The following GALNT18 variants were observed in gnomAD, a reference collection of about 807,000 sequenced individuals.
The protein encoded by GALNT18 is GalNAc-transferase 18.
Under a neutral mutation model 69.5 loss-of-function variants are expected in GALNT18, and 44 were observed. The ratio of observed to expected loss-of-function variants is 0.63; its 90% CI spans 0.50 to 0.81. GALNT18 has a LOEUF of 0.81. Ranked by LOEUF, GALNT18 falls within the 40% of genes least tolerant of loss-of-function variation. GALNT18 has a pLI of 0.00. For synonymous variants in GALNT18, 364 were observed against 318.2 expected (o/e 1.14, Z -1.53); for missense variants, 715 against 810.0 (o/e 0.88, Z 1.42).
chr11:11,514,780 G>C (rs183429098), intron 1 of GALNT18, among the ~76,000 whole-genome samples: 80 of 152,330 alleles, frequency 5.3e-4, no homozygotes, highest in South Asian at 2.3e-3. Context: ...TGGCAGCAGA[G>C]GCAGGAGCAA....
At chr11:11,281,127 G>T (rs374253845) in intron 10 of GALNT18, among the ~76,000 whole-genome samples, 1 of 152,330 alleles carries the variant, frequency 6.6e-6, no homozygotes, top group South Asian at 2.1e-4. Context: ...GGAGCAGCAC[G>T]CAGGCAGGGG....
chr11:11,497,347 CA>C lies in GALNT18; in HGVS notation c.236-48412del, dbSNP rs1856885779. ...TCTCCAACACACACACACACACACA[CA>C]CACACACACACACACACACACACCC... On this transcript the variant is annotated intron_variant, in intron 1 of 10. Transcript: ENST00000227756. This position sits in a 1 kb window ranked among gnomAD's most constrained non-coding sequence, Gnocchi z 4.2. 6.6e-6 allele frequency among the ~76,000 whole-genome samples: 1 copy of C among 150,778 alleles called. No homozygotes were observed. Among genetic ancestry groups the C allele is most frequent in the Admixed American group, 6.6e-5 (1 of 15,098 alleles).
At chr11:11,453,261 T>A (rs1855845092) in intron 1 of GALNT18, among the ~76,000 whole-genome samples, 1 of 152,142 alleles carries the variant, frequency 6.6e-6, no homozygotes. Flanking sequence ...CGTCCTTCTC[T>A]GATCAGAACC....
At chr11:11,554,650 C>T (rs757097075) in intron 1 of GALNT18, among the ~76,000 whole-genome samples, 1 of 152,144 alleles carries the variant, frequency 6.6e-6, no homozygotes, top group Non-Finnish European at 1.5e-5. Context: ...GTTCACAGAA[C>T]TCCATTCCCC....
At chr11:11,281,454 G>C (rs974657382) in intron 10 of GALNT18, among the ~76,000 whole-genome samples, 3 of 152,180 alleles carry the variant, frequency 2.0e-5, no homozygotes, top group Non-Finnish European at 4.4e-5. Context: ...ACCAAGTGCC[G>C]CTGCCCACTC....
rs899593406 is a variant in GALNT18, at chr11:11,614,762, G to T, written c.235+6597C>A. ...GCCCTCATAAATGACAAAACCAGAC[G>T]TGGCTCTCTGACACTTTTCATTCTG... is the stretch of plus-strand genomic sequence containing the variant. On this transcript the variant is annotated intron_variant, in intron 1 of 10. Coordinates refer to ENST00000227756, the MANE Select transcript of GALNT18 (RefSeq NM_198516.3). The surrounding 1 kb of genome is among the most constrained non-coding windows in gnomAD (Gnocchi z 5.6). Among the ~76,000 whole-genome samples the T allele has an allele frequency of 6.6e-6, 1 of 152,140 alleles. No individual in the cohort carries two copies. The highest frequency in any genetic ancestry group is 1.5e-5 in the Non-Finnish European group (1 of 68,036).
chr11:11,526,128 T>G (rs1857519194), intron 1 of GALNT18, among the ~76,000 whole-genome samples: 1 of 152,062 alleles, frequency 6.6e-6, no homozygotes, highest in African/African-American at 2.4e-5. Context: ...AAGAGAGCAA[T>G]GGCATTTTAG....
rs929916152 is a variant in GALNT18, at chr11:11,590,644, T to G, written c.235+30715A>C. 6.6e-6 allele frequency among the ~76,000 whole-genome samples: 1 copy of G among 152,180 alleles called. No homozygotes were observed. The highest frequency in any genetic ancestry group is 1.5e-5 in the Non-Finnish European group (1 of 68,030). On this transcript the variant is annotated intron_variant, in intron 1 of 10. Transcript: ENST00000227756. This position sits in a 1 kb window ranked among gnomAD's most constrained non-coding sequence, Gnocchi z 4.4. ...TGCTCAACAAGGATGCTGTGAAGATTGACTTGAATCTTGTACAGTCACCCA... is the reference window on the plus strand; with the variant it reads ...TGCTCAACAAGGATGCTGTGAAGATGGACTTGAATCTTGTACAGTCACCCA...
chr11:11,418,569 GCA>G (rs1397778297), intron 3 of GALNT18, among the ~76,000 whole-genome samples: 3 of 152,170 alleles, frequency 2.0e-5, no homozygotes, highest in Admixed American at 6.5e-5. Context: ...GGCTTCTCCA[GCA>G]CAGTTTCCCT....
At chr11:11,509,788 T>C (rs916850390) in intron 1 of GALNT18, among the ~76,000 whole-genome samples, 2 of 152,210 alleles carry the variant, frequency 1.3e-5, no homozygotes, top group African/African-American at 4.8e-5. Context: ...ATTCAAGACC[T>C]TCACTGCCCT....
At chr11:11,326,873 C>T (rs547731540) in intron 9 of GALNT18, among the ~76,000 whole-genome samples, 1 of 152,156 alleles carries the variant, frequency 6.6e-6, no homozygotes. Flanking sequence ...TCATAGCATC[C>T]ACTCCCTCAG....
chr11:11,352,769 G>A, intron 6 of GALNT18: 3 of 1,614,142 alleles, frequency 1.9e-6, no homozygotes, highest in Non-Finnish European at 2.5e-6. Flanking sequence ...AGTCTGTGTT[G>A]TTTACGTGTT....
chr11:11,362,760 C>A (rs1479824639), intron 6 of GALNT18, among the ~76,000 whole-genome samples: 1 of 152,112 alleles, frequency 6.6e-6, no homozygotes, highest in Non-Finnish European at 1.5e-5. Context: ...TGAAATACTA[C>A]CCCTCTGGAG....
chr11:11,367,140 C>T (rs1226829067), intron 6 of GALNT18, among the ~76,000 whole-genome samples: 1 of 152,108 alleles, frequency 6.6e-6, no homozygotes, highest in Non-Finnish European at 1.5e-5. Flanking sequence ...GAATCACTCA[C>T]AGCGAGGGAT....
intron 1 of GALNT18, among the ~76,000 whole-genome samples, chr11:11,545,296 A>G (rs113972581): frequency 0.012 from 1,826 of 152,364 alleles, 29 homozygotes; most frequent in African/African-American, 0.042. Flanking sequence ...GGAAAAAGCA[A>G]CAACCGAAAC....
chr11:11,422,621 GT>G (rs374848510), intron 3 of GALNT18, among the ~76,000 whole-genome samples: 218 of 141,828 alleles, frequency 1.5e-3, no homozygotes, highest in Middle Eastern at 3.7e-3. Context: ...TTTTTTTGTT[GT>G]TTTTTTTTTT....
rs2133973100 is a variant in GALNT18 at position 11,616,956 on chromosome 11, A to C, written c.235+4403T>G. On this transcript the variant is annotated intron_variant, in intron 1 of 10. Coordinates refer to ENST00000227756, the MANE Select transcript of GALNT18 (RefSeq NM_198516.3). This position sits in a 1 kb window ranked among gnomAD's most constrained non-coding sequence, Gnocchi z 4.4. ...AATAGCAATCAAATTACATGTGAGC[A>C]AAATCATTGCAAAAGATCAGACAAA... is the stretch of plus-strand genomic sequence containing the variant. 6.6e-6 allele frequency among the ~76,000 whole-genome samples: 1 copy of C among 152,382 alleles called. No individual in the cohort carries two copies. The highest frequency in any genetic ancestry group is 1.5e-5 in the Non-Finnish European group (1 of 68,040).
chr11:11,276,033 A>G (rs533024907), intron 10 of GALNT18, among the ~76,000 whole-genome samples: 2 of 152,288 alleles, frequency 1.3e-5, no homozygotes, highest in South Asian at 2.1e-4. Context: ...TTGGTTCCAT[A>G]TGAACTTTAA....
intron 1 of GALNT18, among the ~76,000 whole-genome samples, chr11:11,572,098 T>A (rs1013393625): frequency 7.2e-5 from 11 of 152,220 alleles, no homozygotes; most frequent in Admixed American, 2.0e-4. Flanking sequence ...GTTCTCCAGC[T>A]CTCCCTGTGC....
Sources: allele counts gnomAD v4.1 joint callset (sites outside exome capture counted in the v4.1 genomes callset), GRCh38; gene constraint gnomAD v4.1.1; non-coding constraint Gnocchi (gnomAD v3.1); transcripts MANE v1.5; gene names NCBI Gene and HGNC (gene_info 2026-07-23, HGNC 2026-07-21).